Variants in ZFAND3 observed in about 807,000 individuals in gnomAD.
The protein encoded by ZFAND3 is AN1-type zinc finger protein 3.
ZFAND3 carries 10 observed loss-of-function variants against 29.6 expected under a neutral mutation model. That is an observed-to-expected ratio of 0.34 (90% confidence interval 0.21 to 0.57). ZFAND3 has a LOEUF of 0.57. Among genes scored for constraint, ZFAND3 ranks in the 20% least tolerant of loss-of-function variants. The pLI is 0.86. For missense variants in ZFAND3, 230 were observed against 304.5 expected (o/e 0.76, Z 1.82); for synonymous variants, 128 against 112.6 (o/e 1.14, Z -0.87).
chr6:37,874,468 C>A (rs12206818), intron 1 of ZFAND3, among the ~76,000 whole-genome samples: 1 of 142,352 alleles, frequency 7.0e-6, no homozygotes, highest in Admixed American at 7.3e-5. Context: ...GAGCCGAGAT[C>A]GTGCCATTGC....
Position 38,154,113 on chromosome 6 carries a change from C to A in ZFAND3, c.*1724C>A, listed in dbSNP as rs1450892808. ...TGTCTTGCTCTAGGGCAACCCAGGGCAGAGGGGCCAGGTCTGCCCAGCGTT... is the reference window on the plus strand; with the variant it reads ...TGTCTTGCTCTAGGGCAACCCAGGGAAGAGGGGCCAGGTCTGCCCAGCGTT... On this transcript the variant is annotated 3_prime_UTR_variant, in exon 6 of 6. Transcript: ENST00000287218. The A allele has an allele frequency of 2.0e-6, 2 of 985,448 alleles. No individual in the cohort carries two copies. Among genetic ancestry groups the A allele is most frequent in the African/African-American group, 3.5e-5 (2 of 57,268 alleles). 61.0% of individuals were successfully genotyped at this position (985,448 alleles called of 1,614,324 possible).
At chr6:38,081,327 G>T (rs1356510976) in intron 3 of ZFAND3, among the ~76,000 whole-genome samples, 3 of 151,928 alleles carry the variant, frequency 2.0e-5, no homozygotes, top group Non-Finnish European at 4.4e-5. Flanking sequence ...TGCTGTTATG[G>T]CCTTGTTATA....
intron 4 of ZFAND3, among the ~76,000 whole-genome samples, chr6:38,098,934 G>A (rs769550541): frequency 1.3e-5 from 2 of 152,004 alleles, no homozygotes; most frequent in Non-Finnish European, 2.9e-5. Flanking sequence ...TGGTAGAGAT[G>A]GGGTTGCTCA....
intron 2 of ZFAND3, among the ~76,000 whole-genome samples, chr6:37,954,742 A>G (rs1022251939): frequency 1.3e-5 from 2 of 152,172 alleles, no homozygotes; most frequent in African/African-American, 4.8e-5. Flanking sequence ...TCTGGGATAC[A>G]GTTAAGTTAC....
intron 2 of ZFAND3, among the ~76,000 whole-genome samples, chr6:38,058,886 G>A (rs1408379456): frequency 1.3e-5 from 2 of 152,140 alleles, no homozygotes; most frequent in Non-Finnish European, 2.9e-5. Flanking sequence ...TTAGTTCAGT[G>A]CCTGGCACAT....
At chr6:37,920,653 G>A (rs1020790836) in intron 1 of ZFAND3, among the ~76,000 whole-genome samples, 5 of 152,190 alleles carry the variant, frequency 3.3e-5, no homozygotes, top group African/African-American at 1.2e-4. Flanking sequence ...TTTAAAGTGA[G>A]CAGGATCCAT....
intron 2 of ZFAND3, among the ~76,000 whole-genome samples, chr6:37,962,564 C>T (rs761435438): frequency 2.6e-5 from 4 of 152,130 alleles, no homozygotes; most frequent in Non-Finnish European, 2.9e-5. Flanking sequence ...TGTGAACACA[C>T]CAATCAGCGC....
intron 2 of ZFAND3, among the ~76,000 whole-genome samples, chr6:38,060,431 C>G (rs1465502967): frequency 6.7e-6 from 1 of 149,220 alleles, no homozygotes; most frequent in Non-Finnish European, 1.5e-5. Flanking sequence ...TCCTCTTCTC[C>G]TCTCCCTCTC....
At position 38,036,414 on chromosome 6, in the gene ZFAND3, G is replaced by T. The variant is rs146017059; in HGVS notation, c.113-25179G>T. On this transcript the variant is annotated intron_variant, in intron 2 of 5. Coordinates refer to ENST00000287218, the MANE Select transcript of ZFAND3 (RefSeq NM_021943.3). The stretch of plus-strand genomic sequence containing the variant: ...ATAGGATAGGAGAGGAGGATAGAGG[G>T]TACATAACCAGACTTGGTTGTATTA... 3.1e-3 allele frequency among the ~76,000 whole-genome samples: 469 copies of T among 152,250 alleles called. 3 individuals are homozygous for T. Among genetic ancestry groups the T allele is most frequent in the African/African-American group, 0.011 (446 of 41,534 alleles).
intron 2 of ZFAND3, among the ~76,000 whole-genome samples, chr6:38,032,690 G>C (rs56390138): frequency 0.11 from 16,490 of 152,234 alleles, 1,108 homozygotes; most frequent in East Asian, 0.29. Flanking sequence ...TCTAATAACT[G>C]TGGAGGGGAA....
chr6:37,876,981 A>G (rs1764804975), intron 1 of ZFAND3, among the ~76,000 whole-genome samples: 2 of 152,242 alleles, frequency 1.3e-5, no homozygotes, highest in Admixed American at 1.3e-4. Context: ...TATGCCTGCA[A>G]CAATCATTTC....
intron 3 of ZFAND3, among the ~76,000 whole-genome samples, chr6:38,078,572 A>G (rs1764597058): frequency 6.6e-6 from 1 of 152,248 alleles, no homozygotes; most frequent in Admixed American, 6.5e-5. Flanking sequence ...CAGAATCCCA[A>G]GAACCTGTTG....
chr6:38,077,130 T>TA (rs1413883053), intron 3 of ZFAND3, among the ~76,000 whole-genome samples: 2 of 151,340 alleles, frequency 1.3e-5, no homozygotes, highest in Non-Finnish European at 2.9e-5. Flanking sequence ...TTTTTTTTTT[T>TA]AAGAGGAATC....
chr6:37,898,738 TG>T (rs1318297193), intron 1 of ZFAND3, among the ~76,000 whole-genome samples: 1 of 152,198 alleles, frequency 6.6e-6, no homozygotes, highest in Non-Finnish European at 1.5e-5. Flanking sequence ...CTTTTTAACT[TG>T]TTTATTGTTT....
chr6:37,859,426 T>C (rs1444221583), intron 1 of ZFAND3, among the ~76,000 whole-genome samples: 1 of 152,240 alleles, frequency 6.6e-6, no homozygotes, highest in Non-Finnish European at 1.5e-5. Context: ...TCATCGCTCT[T>C]CCATACCATC....
chr6:38,015,206 A>C (rs1219519707), intron 2 of ZFAND3, among the ~76,000 whole-genome samples: 1 of 152,160 alleles, frequency 6.6e-6, no homozygotes, highest in Non-Finnish European at 1.5e-5. Context: ...TTCTTTAAGG[A>C]TTGTGGCTAG....
At chr6:37,869,621 A>G (rs866433556) in intron 1 of ZFAND3, among the ~76,000 whole-genome samples, 5 of 148,320 alleles carry the variant, frequency 3.4e-5, no homozygotes, top group Middle Eastern at 6.6e-3. Context: ...CAATCCTCAC[A>G]CCTCACACTC....
At chr6:38,032,434 A>G (rs932046736) in intron 2 of ZFAND3, among the ~76,000 whole-genome samples, 1 of 152,180 alleles carries the variant, frequency 6.6e-6, no homozygotes, top group African/African-American at 2.4e-5. Flanking sequence ...CAGAAATGTC[A>G]TTTGAACTCT....
chr6:37,862,518 C>CA lies in ZFAND3; in HGVS notation c.71+42516dup, dbSNP rs79671764. Among the ~76,000 whole-genome samples, 649 of 111,492 alleles carry CA rather than the reference C, an allele frequency of 5.8e-3. 3 individuals are homozygous for CA. The highest frequency in any genetic ancestry group is 9.9e-3 in the African/African-American group (297 of 29,892). The allele number at this position is 111,492 out of a possible 152,430, so 73.1% of individuals were successfully genotyped here. A position where few individuals can be genotyped will look rare whatever the true frequency, so the allele number is the denominator to read the frequency against. ...GTGACATAGTGAGACCCTATCTTTC[C>CA]AAAAAAAAAAAAAAGAAAAAGCAGG... On this transcript the variant is annotated intron_variant, in intron 1 of 5. Coordinates refer to ENST00000287218, the MANE Select transcript of ZFAND3 (RefSeq NM_021943.3).
Sources: gnomAD v4.1 joint callset for allele counts (sites outside exome capture counted in the v4.1 genomes callset) on GRCh38, gnomAD v4.1.1 for gene constraint, MANE v1.5 for transcripts, NCBI Gene and HGNC (gene_info 2026-07-23, HGNC 2026-07-21) for gene names.